Variants in MALRD1 observed in about 807,000 individuals in gnomAD.
MALRD1 encodes MAM and LDL-receptor class A domain-containing protein 1.
In MALRD1, 247 loss-of-function variants were observed where a neutral mutation model predicts 242.1. The observed-to-expected ratio is 1.02, with a 90% CI of 0.92 to 1.13. MALRD1 has a LOEUF of 1.13. Among genes scored for constraint, MALRD1 ranks in the 50% most tolerant of loss-of-function variants. The probability of loss-of-function intolerance (pLI) is 0.00; values close to 1 mark genes in which losing one functional copy is unlikely to be tolerated. For missense variants in MALRD1, 2,989 were observed against 2,533.1 expected (o/e 1.18, Z -3.86); for synonymous variants, 995 against 866.6 (o/e 1.15, Z -2.60).
intron 29 of MALRD1, among the ~76,000 whole-genome samples, chr10:19,475,519 T>C (rs1398267176): frequency 6.6e-6 from 1 of 152,214 alleles, no homozygotes; most frequent in Non-Finnish European, 1.5e-5. Context: ...TGAGTCCCAG[T>C]GTCAATAATA....
At chr10:19,706,991 ATCCTTCTCCTCCTCC>A (rs1343457581) in intron 38 of MALRD1, among the ~76,000 whole-genome samples, 4 of 145,580 alleles carry the variant, frequency 2.7e-5, no homozygotes, top group Non-Finnish European at 6.1e-5. Context: ...CTTCCTCCTC[ATCCTTCTCCTCCTCC>A]TCCTTCTTCT....
chr10:19,609,081 G>T (rs905942942), intron 35 of MALRD1, among the ~76,000 whole-genome samples: 22 of 152,020 alleles, frequency 1.4e-4, no homozygotes, highest in Non-Finnish European at 2.9e-4. Context: ...GTTATAATCT[G>T]TTATCTTCTT....
At chr10:19,140,927 G>T (rs1833516691) in intron 10 of MALRD1, among the ~76,000 whole-genome samples, 1 of 152,100 alleles carries the variant, frequency 6.6e-6, no homozygotes, top group Non-Finnish European at 1.5e-5. Flanking sequence ...GCTGAGAGTA[G>T]ATCTGAAATG....
intron 38 of MALRD1, among the ~76,000 whole-genome samples, chr10:19,725,989 G>A (rs892776006): frequency 6.6e-6 from 1 of 152,060 alleles, no homozygotes; most frequent in Non-Finnish European, 1.5e-5. Flanking sequence ...AAGCCATAAT[G>A]CATTTAAAAG....
intron 28 of MALRD1, among the ~76,000 whole-genome samples, chr10:19,402,780 T>G (rs754847599): frequency 5.9e-5 from 9 of 152,170 alleles, no homozygotes; most frequent in Non-Finnish European, 1.3e-4. Flanking sequence ...AATCCATATC[T>G]TTTTCTACAT....
chr10:19,465,880 AC>A (rs1049664059), intron 29 of MALRD1, among the ~76,000 whole-genome samples: 1 of 151,932 alleles, frequency 6.6e-6, no homozygotes, highest in African/African-American at 2.4e-5. Flanking sequence ...AAAAACCTAA[AC>A]CTTTCTTATA....
At chr10:19,155,600 G>A (rs532620964) in intron 12 of MALRD1, among the ~76,000 whole-genome samples, 1 of 152,248 alleles carries the variant, frequency 6.6e-6, no homozygotes, top group Admixed American at 6.5e-5. Context: ...ACAAACTAAG[G>A]AGTGAAATAC....
chr10:19,424,182 G>A (rs1327755314), intron 28 of MALRD1, among the ~76,000 whole-genome samples: 1 of 151,922 alleles, frequency 6.6e-6, no homozygotes, highest in Non-Finnish European at 1.5e-5. Flanking sequence ...TTTAGATAGA[G>A]TCTTGCTCTG....
At chr10:19,678,785 T>C (rs762371221) in intron 36 of MALRD1, among the ~76,000 whole-genome samples, 4 of 152,178 alleles carry the variant, frequency 2.6e-5, no homozygotes, top group Admixed American at 6.5e-5. Flanking sequence ...GGCTGTGAGT[T>C]TGTCATAAAT....
At chr10:19,591,953 A>T (rs1837811714) in intron 33 of MALRD1, among the ~76,000 whole-genome samples, 1 of 152,256 alleles carries the variant, frequency 6.6e-6, no homozygotes, top group South Asian at 2.1e-4. Context: ...AATTTTCATT[A>T]GGTTAAAACA....
chr10:19,592,759 ACACG>A (rs1169382432), intron 33 of MALRD1, among the ~76,000 whole-genome samples: 2 of 139,602 alleles, frequency 1.4e-5, no homozygotes, highest in African/African-American at 5.5e-5. Flanking sequence ...ACACACACAC[ACACG>A]CACGCACACA....
intron 36 of MALRD1, among the ~76,000 whole-genome samples, chr10:19,650,886 A>G (rs1396929637): frequency 6.6e-6 from 1 of 152,192 alleles, no homozygotes; most frequent in Non-Finnish European, 1.5e-5. Flanking sequence ...GAGTGAGAAC[A>G]GGTGTCCTTT....
At chr10:19,233,601 A>T (rs1030223673) in intron 18 of MALRD1, among the ~76,000 whole-genome samples, 5 of 152,152 alleles carry the variant, frequency 3.3e-5, no homozygotes, top group Non-Finnish European at 7.4e-5. Flanking sequence ...GAAAAAAAAA[A>T]GTAGAAACAA....
chr10:19,677,625 C>T (rs1340220658), intron 36 of MALRD1, among the ~76,000 whole-genome samples: 2 of 152,056 alleles, frequency 1.3e-5, no homozygotes, highest in East Asian at 1.9e-4. Context: ...GTTGTCGGTC[C>T]ACTCTGATGA....
At chr10:19,529,634 A>T (rs181584330) in intron 31 of MALRD1, among the ~76,000 whole-genome samples, 1 of 148,054 alleles carries the variant, frequency 6.8e-6, no homozygotes, top group East Asian at 2.0e-4. Flanking sequence ...ATATTAGTCC[A>T]ACTATATGAA....
At chr10:19,059,200 A>G (rs971748137) in intron 1 of MALRD1, among the ~76,000 whole-genome samples, 3 of 152,224 alleles carry the variant, frequency 2.0e-5, no homozygotes, top group Non-Finnish European at 2.9e-5. Flanking sequence ...GAAAGTGCTC[A>G]TGAAATATTG....
Position 19,331,434 on chromosome 10 carries a change from C to T in MALRD1, c.3753C>T (p.Phe1251=). 6.4e-7 allele frequency: 1 copy of T among 1,550,510 alleles called. No homozygotes were observed. The highest frequency in any genetic ancestry group is 8.7e-7 in the Non-Finnish European group (1 of 1,146,888). The change falls in exon 24 of 40, where the codon TTC becomes TTT. Residue 1251 remains phenylalanine (F), a synonymous_variant. Transcript: ENST00000454679. ...ATGTAGCAGTGGATGATATTTCCTT[C>T]CAAGATTGCTCCCCTTTGCTTAGCC... The part of the protein sequence containing the change: ...IGDVAVDDIS[F]QDCSPLLSPE...
chr10:19,482,921 T>C (rs1051278760), intron 29 of MALRD1, among the ~76,000 whole-genome samples: 3 of 152,082 alleles, frequency 2.0e-5, no homozygotes, highest in Non-Finnish European at 4.4e-5. Context: ...AATATCATTT[T>C]TCACAAAATT....
At chr10:19,201,156 T>C (rs1338206505) in intron 14 of MALRD1, among the ~76,000 whole-genome samples, 1 of 152,144 alleles carries the variant, frequency 6.6e-6, no homozygotes, top group Non-Finnish European at 1.5e-5. Flanking sequence ...ATTTTATATA[T>C]GTATACATGT....
Sources: gnomAD v4.1 joint callset for allele counts (sites outside exome capture counted in the v4.1 genomes callset) on GRCh38, gnomAD v4.1.1 for gene constraint, MANE v1.5 for transcripts, NCBI Gene and HGNC (gene_info 2026-07-23, HGNC 2026-07-21) for gene names.